Variants in SPECC1L observed in about 807,000 individuals in gnomAD.
The protein encoded by SPECC1L is sperm antigen with calponin homology and coiled-coil domains 1 like, also known as cytospin-A.
SPECC1L carries 40 observed loss-of-function variants against 116.8 expected under a neutral mutation model. The ratio of observed to expected loss-of-function variants is 0.34; its 90% CI spans 0.27 to 0.45. The LOEUF is 0.45. Among genes scored for constraint, SPECC1L ranks in the 20% least tolerant of loss-of-function variants. The pLI is 1.00. For synonymous variants in SPECC1L, 504 were observed against 500.6 expected (o/e 1.01, Z -0.09); for missense variants, 1,110 against 1,373.6 (o/e 0.81, Z 3.03).
chr22:24,271,861 A>T (rs1298057207), intron 1 of SPECC1L, among the ~76,000 whole-genome samples: 1 of 152,242 alleles, frequency 6.6e-6, no homozygotes, highest in African/African-American at 2.4e-5. Context: ...TTCTTTTGTC[A>T]AAAGAGCCTC....
intron 14 of SPECC1L, among the ~76,000 whole-genome samples, chr22:24,386,462 G>A (rs1473873100): frequency 2.6e-5 from 4 of 152,032 alleles, no homozygotes; most frequent in Admixed American, 1.3e-4. Context: ...GAGATAAGAG[G>A]TATAAAATTG....
intron 2 of SPECC1L, among the ~76,000 whole-genome samples, chr22:24,299,603 T>C (rs1220074992): frequency 6.6e-6 from 1 of 152,192 alleles, no homozygotes; most frequent in Non-Finnish European, 1.5e-5. Context: ...ATAATCTTTC[T>C]CTTTATCACA....
At chr22:24,313,219 G>T in intron 3 of SPECC1L, 94 bp from the exon 4 acceptor site, 1 of 1,369,866 alleles carries the variant, frequency 7.3e-7, no homozygotes, top group Non-Finnish European at 1.0e-6. Flanking sequence ...TAGGGCTCTT[G>T]AACTTAGTAT....
At chr22:24,310,054 A>G (rs1214952810) in intron 3 of SPECC1L, among the ~76,000 whole-genome samples, 1 of 152,224 alleles carries the variant, frequency 6.6e-6, no homozygotes, top group Admixed American at 6.5e-5. Context: ...TTCTTTTTGC[A>G]TAAATGAGCA....
At chr22:24,307,656 A>G (rs1358353119) in intron 3 of SPECC1L, among the ~76,000 whole-genome samples, 3 of 151,786 alleles carry the variant, frequency 2.0e-5, no homozygotes, top group Non-Finnish European at 4.4e-5. Context: ...TTTTTGTTTA[A>G]GAAATCTTAA....
chr22:24,368,868 A>G (rs551386731), intron 13 of SPECC1L, among the ~76,000 whole-genome samples: 1 of 152,200 alleles, frequency 6.6e-6, no homozygotes, highest in South Asian at 2.1e-4. Context: ...GCTGATCTCA[A>G]ACTCCTGACT....
intron 14 of SPECC1L, among the ~76,000 whole-genome samples, chr22:24,409,267 A>G (rs1258989462): frequency 6.6e-6 from 1 of 152,216 alleles, no homozygotes; most frequent in Non-Finnish European, 1.5e-5. Context: ...GGGCTTTCTC[A>G]GTCCTAAAAT....
intron 3 of SPECC1L, among the ~76,000 whole-genome samples, chr22:24,310,175 T>C (rs1249173924): frequency 6.6e-6 from 1 of 152,254 alleles, no homozygotes; most frequent in East Asian, 1.9e-4. Context: ...CCATACCAAT[T>C]GGTAGCAGTC....
At chr22:24,338,586 G>A (rs1209071020) in intron 10 of SPECC1L, 109 bp downstream of exon 10, 1 of 866,348 alleles carries the variant, frequency 1.2e-6, no homozygotes, top group Non-Finnish European at 1.9e-6. Flanking sequence ...GACTACCTCA[G>A]CAGGGATGTA....
intron 2 of SPECC1L, among the ~76,000 whole-genome samples, chr22:24,277,491 C>G (rs954521499): frequency 3.9e-5 from 6 of 152,176 alleles, no homozygotes; most frequent in African/African-American, 4.8e-5. Flanking sequence ...ATAACATGTT[C>G]AATACCTCAA....
At chr22:24,298,191 C>T (rs2049304947) in intron 2 of SPECC1L, among the ~76,000 whole-genome samples, 1 of 152,038 alleles carries the variant, frequency 6.6e-6, no homozygotes, top group South Asian at 2.1e-4. Flanking sequence ...TTTTTGTCCA[C>T]CTATAGGTTA....
At chr22:24,344,359 A>G (rs1446409540) in intron 10 of SPECC1L, among the ~76,000 whole-genome samples, 2 of 152,184 alleles carry the variant, frequency 1.3e-5, no homozygotes, top group East Asian at 1.9e-4. Context: ...AAAAAACATT[A>G]ATCTCAACGT....
At chr22:24,333,558 CTT>C (rs200205936) in intron 8 of SPECC1L, among the ~76,000 whole-genome samples, 1 of 135,438 alleles carries the variant, frequency 7.4e-6, no homozygotes, top group Non-Finnish European at 1.6e-5. Flanking sequence ...TGGGTCTAGG[CTT>C]TTTTTTTTTT....
intron 14 of SPECC1L, among the ~76,000 whole-genome samples, chr22:24,408,586 T>G (rs924234818): frequency 3.9e-5 from 6 of 152,240 alleles, no homozygotes; most frequent in Admixed American, 6.5e-5. Context: ...TGCTGCCACC[T>G]TCCCCTGCGA....
At chr22:24,354,019 C>T (rs2041477615) in intron 11 of SPECC1L, among the ~76,000 whole-genome samples, 1 of 152,258 alleles carries the variant, frequency 6.6e-6, no homozygotes, top group Admixed American at 6.5e-5. Flanking sequence ...CCTCAGGAAG[C>T]TTACAGTCAT....
In SPECC1L at chr22:24,414,814, C is replaced by T. The variant is rs2042772291; in HGVS notation, c.*191C>T. On this transcript the variant is annotated 3_prime_UTR_variant, in exon 17 of 17. Coordinates refer to ENST00000314328, the MANE Select transcript of SPECC1L (RefSeq NM_015330.6). The stretch of plus-strand genomic sequence containing the variant: ...TGTGGCCCACAGCTCCCACCAGGGC[C>T]CCTCCCACATGACCCGTCCATTCAG... The T allele has an allele frequency of 3.2e-6, 2 of 618,460 alleles. No homozygotes were observed. The highest frequency in any genetic ancestry group is 3.6e-5 in the South Asian group (2 of 55,640). 38.3% of individuals were successfully genotyped at this position (618,460 alleles called of 1,614,324 possible).
chr22:24,313,129 G>T (rs1480634969), intron 3 of SPECC1L, among the ~76,000 whole-genome samples, 184 bp from the exon 4 acceptor site: 3 of 152,144 alleles, frequency 2.0e-5, no homozygotes, highest in African/African-American at 7.2e-5. Flanking sequence ...GTACGTGATT[G>T]TTTATAAACC....
rs2041647883 is a variant in SPECC1L at position 24,361,717 on chromosome 22, G to A, written c.2744-1544G>A. Among the ~76,000 whole-genome samples, 5 of 152,112 alleles carry A rather than the reference G, an allele frequency of 3.3e-5. No individual in the cohort carries two copies. In the South Asian group the frequency reaches 1.0e-3, roughly 32 times the overall value. On this transcript the variant is annotated intron_variant, in intron 11 of 16. Transcript: ENST00000314328. ...AGGCTGAGGCAGGAGGATCACTTGAGCCTGGGAGGCAGAGGTTGCAGCGAG... is the reference window on the plus strand; with the variant it reads ...AGGCTGAGGCAGGAGGATCACTTGAACCTGGGAGGCAGAGGTTGCAGCGAG...
intron 3 of SPECC1L, 44 bp from the exon 4 acceptor site, chr22:24,313,268 CT>C (rs746553471): frequency 1.5e-5 from 24 of 1,604,880 alleles, no homozygotes; most frequent in Non-Finnish European, 2.0e-5. Context: ...AATATCTAAT[CT>C]TGCTTGATCT....
Sources: allele counts gnomAD v4.1 joint callset (sites outside exome capture counted in the v4.1 genomes callset), GRCh38; gene constraint gnomAD v4.1.1; transcripts MANE v1.5; gene names NCBI Gene and HGNC (gene_info 2026-07-23, HGNC 2026-07-21).